CSMD1: variants seen among roughly 807,000 people sequenced by gnomAD.
CSMD1 encodes CUB and sushi domain-containing protein 1.
In CSMD1, 213 loss-of-function variants were observed where a neutral mutation model predicts 417.5. That is an observed-to-expected ratio of 0.51 (90% confidence interval 0.46 to 0.57). The LOEUF (loss-of-function observed/expected upper bound fraction) is 0.57, where lower values mean the gene tolerates loss of function less well. Ranked by LOEUF, CSMD1 falls within the 20% of genes least tolerant of loss-of-function variation. CSMD1 has a pLI of 0.00. For synonymous variants in CSMD1, 2,862 were observed against 1,736.8 expected, an observed-to-expected ratio of 1.65 and a Z score of -16.11; for missense variants, 6,923 against 4,529.7, an observed-to-expected ratio of 1.53 and a Z score of -15.17.
intron 1 of CSMD1, among the ~76,000 whole-genome samples, chr8:4,895,275 C>T (rs545668079): frequency 6.6e-6 from 1 of 152,078 alleles, no homozygotes; most frequent in African/African-American, 2.4e-5. Flanking sequence ...AGGTGTGTTA[C>T]GATTATGAAA....
intron 40 of CSMD1, among the ~76,000 whole-genome samples, chr8:3,149,021 A>G (rs1819023429): frequency 6.6e-6 from 1 of 152,200 alleles, no homozygotes; most frequent in Non-Finnish European, 1.5e-5. Context: ...CCCTCAGGCT[A>G]TGCAATATCC....
chr8:3,524,877 G>C (rs1188251144), intron 10 of CSMD1, among the ~76,000 whole-genome samples: 2 of 145,678 alleles, frequency 1.4e-5, no homozygotes, highest in African/African-American at 2.7e-5. Flanking sequence ...CTGTATTTAA[G>C]AACAAATTTT....
intron 3 of CSMD1, among the ~76,000 whole-genome samples, chr8:4,081,211 T>C (rs1196914717): frequency 6.6e-6 from 1 of 152,188 alleles, no homozygotes; most frequent in Non-Finnish European, 1.5e-5. Context: ...TCTGTGGCGT[T>C]TTGTTATGCA....
At chr8:3,637,689 A>G (rs1797116798) in intron 7 of CSMD1, among the ~76,000 whole-genome samples, 1 of 152,190 alleles carries the variant, frequency 6.6e-6, no homozygotes, top group Non-Finnish European at 1.5e-5. Flanking sequence ...TGACAACTGA[A>G]TTACCTCTGG....
chr8:4,034,563 G>C (rs546230554), intron 3 of CSMD1, among the ~76,000 whole-genome samples: 1 of 152,128 alleles, frequency 6.6e-6, no homozygotes, highest in African/African-American at 2.4e-5. Flanking sequence ...TTTTATCAGG[G>C]CAGCCCTTCA....
chr8:3,786,470 G>T (rs1799462972), intron 5 of CSMD1, among the ~76,000 whole-genome samples: 1 of 152,148 alleles, frequency 6.6e-6, no homozygotes, highest in Non-Finnish European at 1.5e-5. Flanking sequence ...GGGGAAGCAG[G>T]AGGAATGGTG....
At chr8:3,082,232 T>C (rs1814154375) in intron 49 of CSMD1, among the ~76,000 whole-genome samples, 1 of 152,224 alleles carries the variant, frequency 6.6e-6, no homozygotes, top group African/African-American at 2.4e-5. Flanking sequence ...CAATCATTCA[T>C]TATGCCACGG....
intron 2 of CSMD1, among the ~76,000 whole-genome samples, chr8:4,596,144 C>T (rs1722961989): frequency 1.3e-5 from 2 of 152,084 alleles, no homozygotes; most frequent in Admixed American, 1.3e-4. Flanking sequence ...AAAAAACTTG[C>T]TTCAGGAATA....
At chr8:4,198,814 C>T (rs1176356907) in intron 3 of CSMD1, among the ~76,000 whole-genome samples, 1 of 152,088 alleles carries the variant, frequency 6.6e-6, no homozygotes, top group South Asian at 2.1e-4. Context: ...GAGGTCATGG[C>T]ACAAAAAGTT....
intron 3 of CSMD1, among the ~76,000 whole-genome samples, chr8:4,250,741 A>C (rs1001691215): frequency 1.3e-5 from 2 of 152,196 alleles, no homozygotes; most frequent in Non-Finnish European, 2.9e-5. Context: ...AAGTTTGCAA[A>C]GAAAAACTGT....
intron 4 of CSMD1, among the ~76,000 whole-genome samples, chr8:4,027,889 T>A (rs1446522919): frequency 6.6e-6 from 1 of 152,176 alleles, no homozygotes; most frequent in East Asian, 1.9e-4. Flanking sequence ...ACACAGTAAC[T>A]TTGATTTTTT....
At position 4,994,349 on chromosome 8, in the gene CSMD1, A is replaced by T; in HGVS notation, c.68T>A (p.Leu23His). The T allele has an allele frequency of 1.2e-6, 2 of 1,611,184 alleles. No homozygotes were observed. The highest frequency in any genetic ancestry group is 1.7e-6 in the Non-Finnish European group (2 of 1,179,798). ...CGTCTTACCCTTCGCTGCAGTGAGG[A>T]GCCTCGCGCACAGCACCAGCAGCCC... is the stretch of plus-strand genomic sequence containing the variant. ...LLGLLVLCAR[L>H]LTAAKGQNCG... The change falls in exon 1 of 70, where the codon CTC (leucine) becomes CAC (histidine). Residue 23 changes from leucine to histidine, a missense_variant. Coordinates refer to ENST00000635120, the MANE Select transcript of CSMD1 (RefSeq NM_033225.6).
intron 6 of CSMD1, among the ~76,000 whole-genome samples, chr8:3,721,010 A>T (rs1452341889): frequency 6.6e-6 from 1 of 151,996 alleles, no homozygotes; most frequent in Non-Finnish European, 1.5e-5. Flanking sequence ...TTTAGTACAG[A>T]CGGGGTTTCA....
At chr8:3,897,702 A>G (rs2627428) in intron 5 of CSMD1, among the ~76,000 whole-genome samples, 22,486 of 152,148 alleles carry the variant, frequency 0.15, 2,442 homozygotes, top group African/African-American at 0.31. Flanking sequence ...TCATGCCCAT[A>G]ATCCCGTGAG....
At chr8:3,305,926 T>G (rs569985987) in intron 25 of CSMD1, among the ~76,000 whole-genome samples, 1 of 152,144 alleles carries the variant, frequency 6.6e-6, no homozygotes, top group Admixed American at 6.5e-5. Context: ...GTGATTTGCC[T>G]GCCTTGGCCT....
chr8:4,643,700 G>A (rs1803344396), intron 1 of CSMD1, among the ~76,000 whole-genome samples: 1 of 152,198 alleles, frequency 6.6e-6, no homozygotes, highest in Admixed American at 6.5e-5. Flanking sequence ...AGCGCTGTTT[G>A]AAACGGTAAA....
At chr8:3,253,698 T>A (rs1283037834) in intron 26 of CSMD1, among the ~76,000 whole-genome samples, 3 of 152,044 alleles carry the variant, frequency 2.0e-5, no homozygotes, top group African/African-American at 4.8e-5. Flanking sequence ...ACTTGCTTTA[T>A]GAATCTTTTT....
chr8:3,661,517 G>A (rs1054470794), intron 7 of CSMD1, among the ~76,000 whole-genome samples: 1 of 151,446 alleles, frequency 6.6e-6, no homozygotes, highest in African/African-American at 2.4e-5. Context: ...TCTTTTTTGA[G>A]ACTGAGTCCC....
At chr8:3,057,823 T>C (rs1249566311) in intron 49 of CSMD1, among the ~76,000 whole-genome samples, 1 of 152,224 alleles carries the variant, frequency 6.6e-6, no homozygotes, top group Non-Finnish European at 1.5e-5. Flanking sequence ...CAGATTAGTC[T>C]TCACTGAAGT....
Sources: gnomAD v4.1 joint callset for allele counts (sites outside exome capture counted in the v4.1 genomes callset) on GRCh38, gnomAD v4.1.1 for gene constraint, MANE v1.5 for transcripts, NCBI Gene and HGNC (gene_info 2026-07-23, HGNC 2026-07-21) for gene names.